Variants in ALS2CL observed in about 807,000 individuals in gnomAD.
ALS2CL encodes the protein ALS2 C-terminal-like protein.
A neutral mutation model predicts 127.9 loss-of-function variants in ALS2CL; 112 were observed. That is an observed-to-expected ratio of 0.88 (90% CI 0.75 to 1.02). The LOEUF (loss-of-function observed/expected upper bound fraction) is 1.02. Ranked by LOEUF, ALS2CL falls within the 50% of genes least tolerant of loss-of-function variation. The pLI is 0.00. For synonymous variants in ALS2CL, 519 were observed against 527.6 expected (o/e 0.98, Z 0.22); for missense variants, 1,174 against 1,236.7 (o/e 0.95, Z 0.76).
intron 16 of ALS2CL, chr3:46,677,297 TCTGGA>T: frequency 7.8e-7 from 1 of 1,286,644 alleles, no homozygotes; most frequent in South Asian, 1.9e-5. Context: ...GGTGGGCAGA[TCTGGA>T]GGCCAAGCCA....
rs946217519 is a variant in ALS2CL at position 46,669,830 on chromosome 3, C to T, written c.*1154G>A. The T allele has an allele frequency of 1.4e-4, 22 of 152,354 alleles. No homozygotes were observed. Among genetic ancestry groups the T allele is most frequent in the African/African-American group, 5.1e-4 (21 of 41,464 alleles). The allele number at this position is 152,354 out of a possible 1,614,324, so 9.4% of individuals were successfully genotyped here. The stretch of plus-strand genomic sequence containing the variant: ...TCTGCCCCAAGGCTACTGCCAGGGA[C>T]TCAGGTGTGGCTGGGCTTTCCAGAG... On this transcript the variant is annotated 3_prime_UTR_variant, in exon 26 of 26. Coordinates refer to ENST00000318962, the MANE Select transcript of ALS2CL (RefSeq NM_147129.5).
At chr3:46,685,216 G>A (rs1451573357) in intron 7 of ALS2CL, among the ~76,000 whole-genome samples, 1 of 152,180 alleles carries the variant, frequency 6.6e-6, no homozygotes, top group African/African-American at 2.4e-5. Flanking sequence ...GTCTACTGTA[G>A]AACAAACTCA....
rs1043061329 is a variant in ALS2CL at position 46,687,770 on chromosome 3, C to G, written c.303-86G>C. The G allele has an allele frequency of 1.4e-5, 19 of 1,388,244 alleles. No individual in the cohort carries two copies. The African/African-American group carries it at 2.4e-4, about 18-fold the overall frequency. 86.0% of individuals were successfully genotyped at this position (1,388,244 alleles called of 1,614,324 possible). ...GGTCCCTGGGATCCCCAGATCCCAC[C>G]CACTAGTCAGCTGCAGCCCTGAGGG... On this transcript the variant is annotated intron_variant, in intron 3 of 25. Coordinates refer to ENST00000318962, the MANE Select transcript of ALS2CL (RefSeq NM_147129.5).
chr3:46,674,721 T>C lies in ALS2CL; in HGVS notation c.2274A>G (p.Gly758=). Residue 758 remains glycine, a synonymous_variant, in exon 21 of 26, where the codon GGA becomes GGG. Coordinates refer to ENST00000318962, the MANE Select transcript of ALS2CL (RefSeq NM_147129.5). ...DTETRDLQVH[G]LVLPLMLPSF... is the part of the protein sequence containing the mutation. ...TGGGCAGCATGAGGGGCAGCACCAATCCATGCACCTGGAGGTCCCTGATGG... is the reference window on the plus strand; with the variant it reads ...TGGGCAGCATGAGGGGCAGCACCAACCCATGCACCTGGAGGTCCCTGATGG... The C allele has an allele frequency of 6.2e-7, 1 of 1,611,998 alleles. No homozygotes were observed. Among genetic ancestry groups the C allele is most frequent in the Non-Finnish European group, 8.5e-7 (1 of 1,179,084 alleles).
In ALS2CL at chr3:46,686,452, A is replaced by G. The variant is rs770720635; in HGVS notation, c.535-13T>C. The G allele has an allele frequency of 6.2e-7, 1 of 1,609,520 alleles. No homozygotes were observed. Among genetic ancestry groups the G allele is most frequent in the African/African-American group, 1.3e-5 (1 of 74,948 alleles). On this transcript the variant is annotated splice_polypyrimidine_tract_variant and intron_variant, in intron 5 of 25. Transcript: ENST00000318962. The surrounding 1 kb of genome is among the most constrained non-coding windows in gnomAD (Gnocchi z 4.3). ...GGGTTGGGTGATGCTGAAGGGGGAC[A>G]GGGCAGCCAGTGAGAGGAGAGCTTA...
intron 24 of ALS2CL, 103 bp from the exon 25 acceptor site, chr3:46,671,687 C>T (rs1698402642): frequency 1.3e-6 from 2 of 1,582,448 alleles, no homozygotes; most frequent in Non-Finnish European, 1.7e-6. Context: ...GGCTGGACAC[C>T]TGGGGTGTGG....
At chr3:46,674,805 C>T (rs1320791399) in intron 20 of ALS2CL, 66 bp from the exon 21 acceptor site, 10 of 1,429,440 alleles carry the variant, frequency 7.0e-6, no homozygotes, top group African/African-American at 2.8e-5. Flanking sequence ...CTTGGAGTCT[C>T]GTCTCAAAGA....
intron 13 of ALS2CL, 135 bp from the exon 14 acceptor site, chr3:46,680,676 G>C (rs1192371431): frequency 9.7e-6 from 7 of 719,028 alleles, no homozygotes; most frequent in Non-Finnish European, 1.6e-5. Flanking sequence ...AACAGACACA[G>C]TGCCAGAGAG....
At chr3:46,672,516 A>G (rs1698486505) in intron 22 of ALS2CL, among the ~76,000 whole-genome samples, 1 of 152,018 alleles carries the variant, frequency 6.6e-6, no homozygotes, top group South Asian at 2.1e-4. Flanking sequence ...TGGTTCTCAA[A>G]CCCAAGGGCT....
At chr3:46,672,779 G>A (rs1397263403) in intron 22 of ALS2CL, among the ~76,000 whole-genome samples, 1 of 152,166 alleles carries the variant, frequency 6.6e-6, no homozygotes, top group Non-Finnish European at 1.5e-5. Flanking sequence ...CAGATCACCT[G>A]AGGTCAGGAG....
In ALS2CL at chr3:46,676,899, C is replaced by T; in HGVS notation, c.1881G>A (p.Val627=). 1 of 1,613,674 alleles carries T rather than the reference C, an allele frequency of 6.2e-7. No individual in the cohort carries two copies. The highest frequency in any genetic ancestry group is 1.7e-5 in the Admixed American group (1 of 60,024). The change falls in exon 17 of 26, where the codon GTG becomes GTA. Residue 627 remains valine, a synonymous_variant. Coordinates refer to ENST00000318962, the MANE Select transcript of ALS2CL (RefSeq NM_147129.5). ...ACCTACGCAGCTCCCTGGAGCTCTG[C>T]ACGTCGAAGCCCAGCAGGGCCTCCT... ...DLQEALLGFD[V]QSSRELRRSQ...
intron 1 of ALS2CL, among the ~76,000 whole-genome samples, chr3:46,691,992 G>A (rs1700187061): frequency 6.6e-6 from 1 of 152,164 alleles, no homozygotes; most frequent in Non-Finnish European, 1.5e-5. Flanking sequence ...CTCCGGGGGT[G>A]AGTCCTCCAG....
chr3:46,671,897 C>A lies in ALS2CL; in HGVS notation c.2671G>T (p.Val891Leu), dbSNP rs200506158. 5 of 1,613,878 alleles carry A rather than the reference C, an allele frequency of 3.1e-6. No individual in the cohort carries two copies. The Admixed American group carries it at 6.7e-5, about 22-fold the overall frequency. Reference protein sequence around the residue: ...DDLLPLLIYVVSRARIQHLGA... With the variant: ...DDLLPLLIYVLSRARIQHLGA... ...TGACTGCCTCACCGGGCGCGCGACA[C>A]CACGTAGATGAGAAGTGGCAGCAGG... is the stretch of plus-strand genomic sequence containing the variant. Residue 891 changes from valine (V) to leucine (L), a missense_variant, in exon 24 of 26, where the codon GTG (valine) becomes TTG (leucine). Physicochemically the swap from Val to Leu is conservative, Grantham distance 32. Transcript: ENST00000318962.
chr3:46,688,891 G>T (rs534895309), intron 2 of ALS2CL, among the ~76,000 whole-genome samples: 3 of 152,200 alleles, frequency 2.0e-5, no homozygotes, highest in Non-Finnish European at 4.4e-5. Flanking sequence ...CCTGGTCTGG[G>T]CTACAGGTAG....
rs1167424454 is a variant in ALS2CL, at chr3:46,681,192, G to A, written c.1436+54C>T. On this transcript the variant is annotated intron_variant, in intron 13 of 25. Transcript: ENST00000318962. This position sits in a 1 kb window ranked among gnomAD's most constrained non-coding sequence, Gnocchi z 4.9. Reference sequence around the variant, plus strand: ...CCTGTGTCCTGCAACAATCTGGTCTGTGAGGGCCCGGTCCACCCCTCCGTC... The same window carrying A: ...CCTGTGTCCTGCAACAATCTGGTCTATGAGGGCCCGGTCCACCCCTCCGTC... The A allele has an allele frequency of 1.9e-6, 3 of 1,611,146 alleles. No homozygotes were observed. Among genetic ancestry groups the A allele is most frequent in the Non-Finnish European group, 2.5e-6 (3 of 1,178,006 alleles).
chr3:46,675,678 A>G lies in ALS2CL; in HGVS notation c.2195T>C (p.Leu732Pro), dbSNP rs1341157236. ...GCCCTTGCGCTCTAAGGCAACTCGC[A>G]GCAGACCCCTGTGAGTCAATGAGAG... ...QELWAAYRGL[L>P]RVALERKGQA... Residue 732 changes from leucine (L) to proline (P), a missense_variant, in exon 20 of 26, where the codon CTG becomes CCG. Coordinates refer to ENST00000318962, the MANE Select transcript of ALS2CL (RefSeq NM_147129.5). 2 of 1,613,746 alleles carry G rather than the reference A, an allele frequency of 1.2e-6. No homozygotes were observed. Among genetic ancestry groups the G allele is most frequent in the Non-Finnish European group, 1.7e-6 (2 of 1,180,032 alleles).
intron 25 of ALS2CL, 80 bp downstream of exon 25, chr3:46,671,408 T>C: frequency 1.3e-6 from 2 of 1,589,048 alleles, no homozygotes; most frequent in Non-Finnish European, 1.7e-6. Flanking sequence ...CACTATGGTG[T>C]TATGATGTCT....
rs1699366802 is a variant in ALS2CL at position 46,681,733 on chromosome 3, C to T, written c.1176-135G>A. ...AGGGAGACTCTCAGAGGCCCTCAGCCTTCCTATCCTTCAAAGGGCCCCTCT... is the reference window on the plus strand; with the variant it reads ...AGGGAGACTCTCAGAGGCCCTCAGCTTTCCTATCCTTCAAAGGGCCCCTCT... On this transcript the variant is annotated intron_variant, in intron 11 of 25. Coordinates refer to ENST00000318962, the MANE Select transcript of ALS2CL (RefSeq NM_147129.5). The surrounding 1 kb of genome is among the most constrained non-coding windows in gnomAD (Gnocchi z 4.9). The T allele has an allele frequency of 1.1e-6, 1 of 900,530 alleles. No homozygotes were observed. The highest frequency in any genetic ancestry group is 1.7e-5 in the African/African-American group (1 of 60,166). The allele number at this position is 900,530 out of a possible 1,614,324, so 55.8% of individuals were successfully genotyped here.
Position 46,673,366 on chromosome 3 carries a change from G to C in ALS2CL, c.2445C>G (p.Leu815=), listed in dbSNP as rs1240463061. 6.4e-7 allele frequency: 1 copy of C among 1,565,096 alleles called. No homozygotes were observed. Among genetic ancestry groups the C allele is most frequent in the East Asian group, 2.4e-5 (1 of 41,890 alleles). The change falls in exon 22 of 26, where the codon CTC becomes CTG. Residue 815 remains leucine, a synonymous_variant. Coordinates refer to ENST00000318962, the MANE Select transcript of ALS2CL (RefSeq NM_147129.5). ...FLDVQKHLWP[L]KDLTLTSNQR... The stretch of plus-strand genomic sequence containing the variant: ...GATTGCTCGTCAGCGTGAGGTCCTT[G>C]AGGGGCCACAAGTGCCTGAAATTGA...
Sources: allele counts gnomAD v4.1 joint callset (sites outside exome capture counted in the v4.1 genomes callset), GRCh38; gene constraint gnomAD v4.1.1; non-coding constraint Gnocchi (gnomAD v3.1); transcripts MANE v1.5; gene names NCBI Gene and HGNC (gene_info 2026-07-23, HGNC 2026-07-21).